The following PLD5 variants were observed in gnomAD, a reference collection of about 807,000 sequenced individuals.
PLD5 encodes the protein inactive phospholipase D5.
In PLD5, 36 loss-of-function variants were observed where a neutral mutation model predicts 61.1. The observed-to-expected ratio is 0.59, with a 90% confidence interval of 0.45 to 0.78. PLD5 has a LOEUF of 0.78. Among genes scored for constraint, PLD5 ranks in the 30% least tolerant of loss-of-function variants. The probability of loss-of-function intolerance (pLI) is 0.00; values close to 1 mark genes in which losing one functional copy is unlikely to be tolerated. For synonymous variants in PLD5, 243 were observed against 242.8 expected (o/e 1.00, Z -0.01); for missense variants, 515 against 644.4 (o/e 0.80, Z 2.17).
chr1:242,240,951 G>T (rs1431559196), intron 4 of PLD5, among the ~76,000 whole-genome samples: 1 of 152,070 alleles, frequency 6.6e-6, no homozygotes, highest in African/African-American at 2.4e-5. Context: ...GGCTGTAAAA[G>T]GTGTAACTAC....
At position 242,146,807 on chromosome 1, in the gene PLD5, G is replaced by T. The variant is rs571947390; in HGVS notation, c.736-22142C>A. On this transcript the variant is annotated intron_variant, in intron 5 of 9. Coordinates refer to ENST00000536534, the MANE Select transcript of PLD5 (RefSeq NM_001372062.1). The stretch of plus-strand genomic sequence containing the variant: ...GAATGCTAAAAACCAGCCACCTTTT[G>T]TCCTGTTACTGGTTTCATTTTCTCC... Among the ~76,000 whole-genome samples, 3 of 152,222 alleles carry T rather than the reference G, an allele frequency of 2.0e-5. No homozygotes were observed. In the East Asian group the frequency reaches 5.8e-4, roughly 29 times the overall value.
In PLD5 at chr1:242,349,020, C is replaced by G. The variant is rs540519203; in HGVS notation, c.190-778G>C. Among the ~76,000 whole-genome samples, 195 of 152,302 alleles carry G rather than the reference C, an allele frequency of 1.3e-3. 1 individual carries two copies. The highest frequency in any genetic ancestry group is 6.8e-3 in the Middle Eastern group (2 of 294). ...AGTGAGCCAAGATCGCACCACTGCACTCCAGCCTGGGTGACAGAGCGAGAC... is the reference window on the plus strand; with the variant it reads ...AGTGAGCCAAGATCGCACCACTGCAGTCCAGCCTGGGTGACAGAGCGAGAC... On this transcript the variant is annotated intron_variant, in intron 1 of 9. Transcript: ENST00000536534.
chr1:242,316,530 A>T (rs1658000479), intron 2 of PLD5, among the ~76,000 whole-genome samples: 1 of 152,214 alleles, frequency 6.6e-6, no homozygotes, highest in Non-Finnish European at 1.5e-5. Context: ...ATCTCTGGTT[A>T]GATGAATAAT....
At chr1:242,126,079 G>T (rs1416286805) in intron 5 of PLD5, among the ~76,000 whole-genome samples, 2 of 152,148 alleles carry the variant, frequency 1.3e-5, no homozygotes, top group African/African-American at 4.8e-5. Flanking sequence ...GATAGAGCAG[G>T]TAGGGCATAT....
chr1:242,485,947 A>T (rs1315448320), intron 1 of PLD5, among the ~76,000 whole-genome samples: 1 of 152,196 alleles, frequency 6.6e-6, no homozygotes, highest in Non-Finnish European at 1.5e-5. Context: ...CAAACCTGAC[A>T]AAAACAAGAA....
At chr1:242,237,372 A>G (rs1333866190) in intron 4 of PLD5, among the ~76,000 whole-genome samples, 1 of 152,050 alleles carries the variant, frequency 6.6e-6, no homozygotes, top group Non-Finnish European at 1.5e-5. Flanking sequence ...TTCAGGTGCC[A>G]GTTCTCAACG....
chr1:242,289,375 G>A (rs1373371146), intron 2 of PLD5, among the ~76,000 whole-genome samples: 1 of 151,932 alleles, frequency 6.6e-6, no homozygotes, highest in Non-Finnish European at 1.5e-5. Context: ...TTGAGATGGA[G>A]TCTCGCTCTG....
chr1:242,377,517 G>T, intron 1 of PLD5: 2 of 615,826 alleles, frequency 3.2e-6, no homozygotes, highest in Non-Finnish European at 5.9e-6. Flanking sequence ...CTCTGAGGTT[G>T]GACGCCATGC....
the PLD5 span, among the ~76,000 whole-genome samples, chr1:242,529,865 C>T: frequency 6.6e-6 from 1 of 150,866 alleles, no homozygotes; most frequent in Non-Finnish European, 1.5e-5. Context: ...TCCTCTCTCT[C>T]TTTCTCCTTT....
chr1:242,190,496 T>C (rs12409991), intron 5 of PLD5, among the ~76,000 whole-genome samples: 1 of 152,042 alleles, frequency 6.6e-6, no homozygotes, highest in East Asian at 1.9e-4. Context: ...GTGACTATCG[T>C]GTATTCTTCA....
At chr1:242,205,458 A>C (rs942517543) in intron 5 of PLD5, among the ~76,000 whole-genome samples, 6 of 152,148 alleles carry the variant, frequency 3.9e-5, no homozygotes, top group African/African-American at 1.4e-4. Flanking sequence ...ATTTTGTAAA[A>C]GATAAGAGAC....
At chr1:242,328,080 C>G (rs1037266836) in intron 2 of PLD5, among the ~76,000 whole-genome samples, 1 of 151,888 alleles carries the variant, frequency 6.6e-6, no homozygotes, top group African/African-American at 2.4e-5. Flanking sequence ...CTGCTAAAAA[C>G]AAAACAAAAC....
intron 1 of PLD5, among the ~76,000 whole-genome samples, chr1:242,432,820 G>T (rs1474770889): frequency 1.3e-5 from 2 of 150,410 alleles, no homozygotes; most frequent in Non-Finnish European, 1.5e-5. Context: ...AAAACAAAAA[G>T]AAAAAAAAAG....
At chr1:242,180,321 A>C (rs924747862) in intron 5 of PLD5, among the ~76,000 whole-genome samples, 6 of 152,164 alleles carry the variant, frequency 3.9e-5, no homozygotes, top group African/African-American at 1.4e-4. Context: ...CTTTTATTAC[A>C]TACTGACCAG....
chr1:242,358,710 T>G (rs1419979098), intron 1 of PLD5, among the ~76,000 whole-genome samples: 2 of 152,156 alleles, frequency 1.3e-5, no homozygotes. Context: ...CTAAAGTTAA[T>G]TGGATTGTGA....
chr1:242,329,785 C>T (rs1468052837), intron 2 of PLD5, among the ~76,000 whole-genome samples: 2 of 152,120 alleles, frequency 1.3e-5, no homozygotes, highest in African/African-American at 2.4e-5. Context: ...AAACTTGGTA[C>T]ATTAGATGCT....
chr1:242,158,231 C>G (rs553734187), intron 5 of PLD5, among the ~76,000 whole-genome samples: 1 of 152,276 alleles, frequency 6.6e-6, no homozygotes, highest in Admixed American at 6.5e-5. Flanking sequence ...GGCATTAGAT[C>G]TTAGTTTGCT....
intron 1 of PLD5, among the ~76,000 whole-genome samples, chr1:242,405,250 G>A (rs1217072275): frequency 6.6e-6 from 1 of 152,120 alleles, no homozygotes; most frequent in Non-Finnish European, 1.5e-5. Flanking sequence ...TTTCAAGGTT[G>A]TATTCAAATC....
At chr1:242,228,390 C>T (rs1039245133) in intron 4 of PLD5, among the ~76,000 whole-genome samples, 13 of 152,130 alleles carry the variant, frequency 8.5e-5, no homozygotes, top group African/African-American at 2.9e-4. Flanking sequence ...CCCGAGGCAC[C>T]CGCAGGACAC....
Sources: gnomAD v4.1 joint callset for allele counts (sites outside exome capture counted in the v4.1 genomes callset) on GRCh38, gnomAD v4.1.1 for gene constraint, MANE v1.5 for transcripts, NCBI Gene and HGNC (gene_info 2026-07-23, HGNC 2026-07-21) for gene names.